Variants in HRH1 observed in about 807,000 individuals in gnomAD.
HRH1 encodes histamine receptor H1, also known as histamine H1 receptor.
A neutral mutation model predicts 10.3 loss-of-function variants in HRH1; 6 were observed. That is an observed-to-expected ratio of 0.58 (90% CI 0.32 to 1.15). The LOEUF (loss-of-function observed/expected upper bound fraction) is 1.15. HRH1 is among the 50% of genes most tolerant of loss of function. The pLI, the probability that HRH1 is intolerant of heterozygous loss-of-function variation, is 0.05. For synonymous variants in HRH1, 242 were observed against 236.7 expected (o/e 1.02, Z -0.21); for missense variants, 514 against 615.3 (o/e 0.84, Z 1.74).
In HRH1 at chr3:11,217,198, C is replaced by T. The variant is rs576507427; in HGVS notation, c.-35-41805C>T. On this transcript the variant is annotated intron_variant, in intron 1 of 1. Transcript: ENST00000431010. ...GAGAGTCCGTCTCCAAAAACAAACA[C>T]ACAAACAAACAAAACCAAAAAAAAA... Among the ~76,000 whole-genome samples, 95 of 144,850 alleles carry T rather than the reference C, an allele frequency of 6.6e-4. No homozygotes were observed. The Admixed American group carries it at 6.6e-3, about 10-fold the overall frequency.
rs200253545 is a variant in HRH1 at position 11,261,168 on chromosome 3, A to G, written c.*667A>G. ...TCTTACTCAAACATGTTTAGAGTGG[A>G]TAGAAAATTATGCAGCTTGCACACC... On this transcript the variant is annotated 3_prime_UTR_variant, in exon 2 of 2. Coordinates refer to ENST00000431010, the MANE Select transcript of HRH1 (RefSeq NM_001098212.2). 1 of 167,122 alleles carries G rather than the reference A, an allele frequency of 6.0e-6. No individual in the cohort carries two copies. The highest frequency in any genetic ancestry group is 1.5e-5 in the Non-Finnish European group (1 of 68,134). The allele number at this position is 167,122 out of a possible 1,614,324, so 10.4% of individuals were successfully genotyped here.
chr3:11,171,616 A>G (rs1378328652), intron 1 of HRH1, among the ~76,000 whole-genome samples: 3 of 152,248 alleles, frequency 2.0e-5, no homozygotes, highest in Non-Finnish European at 4.4e-5. Context: ...TAGCCCATGC[A>G]GTGCCAAGAA....
intron 1 of HRH1, among the ~76,000 whole-genome samples, chr3:11,145,967 G>C (rs1936433006): frequency 6.6e-6 from 1 of 152,118 alleles, no homozygotes; most frequent in African/African-American, 2.4e-5. Flanking sequence ...GCTTCTATTG[G>C]TGAATATTTA....
chr3:11,233,001 T>C (rs73121610), intron 1 of HRH1, among the ~76,000 whole-genome samples: 2,107 of 152,346 alleles, frequency 0.014, 45 homozygotes, highest in African/African-American at 0.047. Context: ...ATTCTCATTA[T>C]GGTAAGGTGT....
At chr3:11,153,741 C>A (rs1198510075), upstream of HRH1, among the ~76,000 whole-genome samples, 1 of 152,070 alleles carries the variant, frequency 6.6e-6, no homozygotes, top group Non-Finnish European at 1.5e-5. Flanking sequence ...TTCCCGGGGA[C>A]CTGCAGAGGG....
intron 1 of HRH1, chr3:11,253,016 A>G (rs1939691773): frequency 6.6e-6 from 1 of 152,078 alleles, no homozygotes; most frequent in African/African-American, 2.4e-5. Flanking sequence ...TCACTTCCTA[A>G]TAGATTTGTC....
Position 11,255,321 on chromosome 3 carries a change from A to T in HRH1, c.-35-3682A>T, listed in dbSNP as rs556613405. ...TTTCTCTCCCCTCTATGTGCCAGAC[A>T]ATGAGGAAAAGAGAAAAAGGAGACA... On this transcript the variant is annotated intron_variant, in intron 1 of 1. Transcript: ENST00000431010. 2.2e-4 allele frequency among the ~76,000 whole-genome samples: 34 copies of T among 152,254 alleles called. No individual in the cohort carries two copies. The South Asian group carries it at 6.4e-3, about 29-fold the overall frequency.
At chr3:11,156,291 A>G (rs1936792332) in intron 1 of HRH1, among the ~76,000 whole-genome samples, 1 of 152,140 alleles carries the variant, frequency 6.6e-6, no homozygotes, top group African/African-American at 2.4e-5. Context: ...CTGCCTGTCC[A>G]TGATTTCAGG....
chr3:11,250,302 G>A lies in HRH1; in HGVS notation c.-35-8701G>A, dbSNP rs564707853. On this transcript the variant is annotated intron_variant, in intron 1 of 1. Transcript: ENST00000431010. The stretch of plus-strand genomic sequence containing the variant: ...TCACGATCTCCTGACCTCGTGATCC[G>A]TCCGTCTCGGCCTCCCAAAGTGCTG... Among the ~76,000 whole-genome samples, 9 of 147,618 alleles carry A rather than the reference G, an allele frequency of 6.1e-5. No homozygotes were observed. The South Asian group carries it at 6.4e-4, about 11-fold the overall frequency.
intron 1 of HRH1, among the ~76,000 whole-genome samples, chr3:11,256,861 A>G (rs1263803941): frequency 1.3e-5 from 2 of 151,534 alleles, no homozygotes; most frequent in African/African-American, 4.9e-5. Context: ...GTCTTAATGT[A>G]AAAATAATTT....
intron 1 of HRH1, among the ~76,000 whole-genome samples, chr3:11,145,478 T>C (rs1936419148): frequency 6.6e-6 from 1 of 152,216 alleles, no homozygotes; most frequent in Admixed American, 6.5e-5. Flanking sequence ...GTGTGTCTAA[T>C]GCCTTTTCCA....
At position 11,261,602 on chromosome 3, in the gene HRH1, TGAG is replaced by T. The variant is rs1274190120; in HGVS notation, c.*1103_*1105del. The T allele has an allele frequency of 6.0e-6, 1 of 167,002 alleles. No homozygotes were observed. The highest frequency in any genetic ancestry group is 2.4e-5 in the African/African-American group (1 of 41,438). The allele number at this position is 167,002 out of a possible 1,614,324, so 10.3% of individuals were successfully genotyped here. On this transcript the variant is annotated 3_prime_UTR_variant, in exon 2 of 2. Coordinates refer to ENST00000431010, the MANE Select transcript of HRH1 (RefSeq NM_001098212.2). Reference sequence around the variant, plus strand: ...CTATAATCCCAGCATGTTGAGAGGCTGAGGTGGGCAGATCATTTGAGGCCAGGA... The same window carrying T: ...CTATAATCCCAGCATGTTGAGAGGCTGTGGGCAGATCATTTGAGGCCAGGA...
intron 1 of HRH1, among the ~76,000 whole-genome samples, chr3:11,228,787 G>A (rs1938963408): frequency 1.3e-5 from 2 of 152,010 alleles, no homozygotes; most frequent in Admixed American, 1.3e-4. Flanking sequence ...GGTGGTGCGT[G>A]CCTGTTGTCC....
chr3:11,148,688 T>G (rs540346619), intron 1 of HRH1, among the ~76,000 whole-genome samples: 16 of 152,158 alleles, frequency 1.1e-4, no homozygotes, highest in African/African-American at 3.9e-4. Flanking sequence ...TCACAACACT[T>G]CCCCTCAGAT....
chr3:11,257,232 G>A (rs60072361), intron 1 of HRH1, among the ~76,000 whole-genome samples: 1,468 of 144,418 alleles, frequency 0.01, 29 homozygotes, highest in African/African-American at 0.033. Context: ...CAGCCTGGGC[G>A]ACAGAGTGAG....
At chr3:11,172,924 C>T (rs188176186) in intron 1 of HRH1, among the ~76,000 whole-genome samples, 79 of 152,104 alleles carry the variant, frequency 5.2e-4, no homozygotes, top group Admixed American at 2.0e-3. Context: ...GGATGGTCTT[C>T]CTGATCTTGT....
At chr3:11,234,510 C>T (rs1939122416) in intron 1 of HRH1, 1 of 1,445,294 alleles carries the variant, frequency 6.9e-7, no homozygotes, top group Non-Finnish European at 9.7e-7. Flanking sequence ...CTGGCCATTC[C>T]CCCAAGGCAT....
intron 1 of HRH1, chr3:11,234,313 T>C: frequency 1.3e-6 from 2 of 1,579,452 alleles, no homozygotes; most frequent in Non-Finnish European, 1.7e-6. Flanking sequence ...TTTCTTCTGC[T>C]TGTTCTGCTG....
At chr3:11,236,170 C>T (rs1939176163) in intron 1 of HRH1, among the ~76,000 whole-genome samples, 2 of 152,224 alleles carry the variant, frequency 1.3e-5, no homozygotes, top group African/African-American at 4.8e-5. Context: ...AAGCTTTTGA[C>T]ACAGTGGCTC....
Sources: allele counts gnomAD v4.1 joint callset (sites outside exome capture counted in the v4.1 genomes callset), GRCh38; gene constraint gnomAD v4.1.1; transcripts MANE v1.5; gene names NCBI Gene and HGNC (gene_info 2026-07-23, HGNC 2026-07-21).